PTPRN: variants seen among roughly 807,000 people sequenced by gnomAD.
PTPRN encodes the protein receptor-type tyrosine-protein phosphatase-like N.
In PTPRN, 70 loss-of-function variants were observed where a neutral mutation model predicts 108.5. The ratio of observed to expected loss-of-function variants is 0.65; its 90% CI spans 0.53 to 0.79. The LOEUF is 0.79. Ranked by LOEUF, PTPRN falls within the 30% of genes least tolerant of loss-of-function variation. PTPRN has a pLI of 0.00. For synonymous variants in PTPRN, 496 were observed against 524.6 expected, an observed-to-expected ratio of 0.95 and a Z score of 0.75; for missense variants, 1,136 against 1,295.5, an observed-to-expected ratio of 0.88 and a Z score of 1.89.
Position 219,301,637 on chromosome 2 carries a change from T to C in PTPRN, c.1077A>G (p.Thr359=). 3 of 1,613,276 alleles carry C rather than the reference T, an allele frequency of 1.9e-6. No homozygotes were observed. The highest frequency in any genetic ancestry group is 1.6e-4 in the Middle Eastern group (1 of 6,062). The stretch of plus-strand genomic sequence containing the variant: ...GCAGTAGCTGCAGCAGGGTCAGGAG[T>C]GTGGAGAGCTGCTCAGGGGTCAGCT... ...LRQLTPEQLS[T]LLTLLQLLPK... is the part of the protein sequence containing the mutation. Residue 359 remains threonine, a synonymous_variant, in exon 7 of 23, where the codon ACA becomes ACG. Transcript: ENST00000295718.
Position 219,302,592 on chromosome 2 carries a change from G to A in PTPRN, c.623C>T (p.Pro208Leu), listed in dbSNP as rs756272900. 2 of 1,613,930 alleles carry A rather than the reference G, an allele frequency of 1.2e-6. No homozygotes were observed. The highest frequency in any genetic ancestry group is 1.7e-5 in the Admixed American group (1 of 59,986). The change falls in exon 5 of 23, where the codon CCC becomes CTC. Residue 208 changes from proline to leucine, a missense_variant. Coordinates refer to ENST00000295718, the MANE Select transcript of PTPRN (RefSeq NM_002846.4). ...SLSYEPALLQ[P>L]YLFHQFGSRD... ...AGGACTTACCTGGTGGAACAGGTAG[G>A]GCTGCAGCAAGGCAGGTTCGTAACT... is the stretch of plus-strand genomic sequence containing the variant.
chr2:219,296,176 C>T lies in PTPRN; in HGVS notation c.2508+50G>A, dbSNP rs1485258278. 1.2e-6 allele frequency: 2 copies of T among 1,604,014 alleles called. No homozygotes were observed. The highest frequency in any genetic ancestry group is 2.7e-5 in the African/African-American group (2 of 74,746). ...GAAGAAAACGTTACGAAAAGGCCAT[C>T]ATCTACTCTTCCCACATCCATTGTC... On this transcript the variant is annotated intron_variant, in intron 18 of 22. Coordinates refer to ENST00000295718, the MANE Select transcript of PTPRN (RefSeq NM_002846.4). This position sits in a 1 kb window ranked among gnomAD's most constrained non-coding sequence, Gnocchi z 6.0.
At position 219,296,125 on chromosome 2, in the gene PTPRN, A is replaced by G; in HGVS notation, c.2508+101T>C. 1.3e-6 allele frequency: 2 copies of G among 1,537,504 alleles called. No individual in the cohort carries two copies. The highest frequency in any genetic ancestry group is 2.3e-5 in the East Asian group (1 of 44,030). ...AGCAGGGCCAATAAAAGCCTTTTTA[A>G]AAAGACTGTTGAGTGCTCATTTGGT... On this transcript the variant is annotated intron_variant, in intron 18 of 22. Coordinates refer to ENST00000295718, the MANE Select transcript of PTPRN (RefSeq NM_002846.4). This position sits in a 1 kb window ranked among gnomAD's most constrained non-coding sequence, Gnocchi z 6.0.
At chr2:219,307,210 G>T (rs571408942) in intron 3 of PTPRN, 139 of 457,380 alleles carry the variant, frequency 3.0e-4, no homozygotes, top group African/African-American at 2.4e-3. Flanking sequence ...GTCCTAAGAA[G>T]ATGGAAGCTG....
intron 1 of PTPRN, chr2:219,308,364 G>C (rs2125099484): frequency 5.8e-6 from 1 of 172,816 alleles, no homozygotes; most frequent in East Asian, 1.7e-4. Context: ...GCCGCCAAGG[G>C]CTGGCCTTGG....
intron 9 of PTPRN, 49 bp from the exon 10 acceptor site, chr2:219,299,835 T>C (rs774436328): frequency 1.9e-6 from 3 of 1,563,286 alleles, no homozygotes; most frequent in South Asian, 1.2e-5. Context: ...ACCCTCTCAG[T>C]CACTTTCTTA....
chr2:219,307,584 G>A (rs1305682074), intron 2 of PTPRN, 27 bp from the exon 3 acceptor site: 1 of 1,602,976 alleles, frequency 6.2e-7, no homozygotes, highest in Non-Finnish European at 8.5e-7. Context: ...GGTGTCAGCA[G>A]GGGGCTTGAA....
chr2:219,290,668 C>A lies in PTPRN; in HGVS notation c.2795-57G>T. 6.6e-7 allele frequency: 1 copy of A among 1,512,356 alleles called. No homozygotes were observed. The highest frequency in any genetic ancestry group is 9.0e-7 in the Non-Finnish European group (1 of 1,110,798). 93.7% of individuals were successfully genotyped at this position (1,512,356 alleles called of 1,614,324 possible). A position where few individuals can be genotyped will look rare whatever the true frequency, so the allele number is the denominator to read the frequency against. ...GGGGGTGTCCAGAGGAGGACAGGAC[C>A]CAGAAAACCTGAGGCCTCCTGGAGG... On this transcript the variant is annotated intron_variant, in intron 21 of 22. Transcript: ENST00000295718. This position sits in a 1 kb window ranked among gnomAD's most constrained non-coding sequence, Gnocchi z 4.2.
rs1952303569 is a variant in PTPRN, at chr2:219,300,073, G to A, written c.1348C>T (p.Pro450Ser). The change falls in exon 9 of 23, where the codon CCA (proline) becomes TCA (serine). Residue 450 changes from proline (P) to serine (S), a missense_variant. Transcript: ENST00000295718. ...ACCGTGGGCTGGCTCTGGCCCAGTGGGCTTTTCTTCTCTAGCAGGACAGGT... is the reference window on the plus strand; with the variant it reads ...ACCGTGGGCTGGCTCTGGCCCAGTGAGCTTTTCTTCTCTAGCAGGACAGGT... ...VTPVLLEKKS[P>S]LGQSQPTVAG... 2 of 1,614,080 alleles carry A rather than the reference G, an allele frequency of 1.2e-6. 1 individual carries two copies. The highest frequency in any genetic ancestry group is 2.2e-5 in the South Asian group (2 of 91,086).
chr2:219,294,440 A>G (rs1180158189), intron 19 of PTPRN, among the ~76,000 whole-genome samples: 2 of 151,642 alleles, frequency 1.3e-5, no homozygotes, highest in African/African-American at 4.8e-5. Context: ...GAGAGAGAAG[A>G]GGAAGAAAGA....
At chr2:219,292,511 A>G (rs1559292757) in intron 19 of PTPRN, 1 of 152,234 alleles carries the variant, frequency 6.6e-6, no homozygotes, top group Non-Finnish European at 1.5e-5. Flanking sequence ...GAATGGCTTC[A>G]TAGGAGTCCA....
At chr2:219,306,303 C>T (rs966973405) in intron 3 of PTPRN, among the ~76,000 whole-genome samples, 10 of 152,180 alleles carry the variant, frequency 6.6e-5, no homozygotes, top group African/African-American at 2.2e-4. Flanking sequence ...CCTGCAATCA[C>T]CTTGGCCCCA....
intron 3 of PTPRN, among the ~76,000 whole-genome samples, chr2:219,304,484 T>C (rs1952434268): frequency 1.3e-5 from 2 of 152,196 alleles, no homozygotes; most frequent in Non-Finnish European, 2.9e-5. Flanking sequence ...TGTTTGACTC[T>C]TTCCCCCAAA....
chr2:219,298,176 C>T (rs1952250383), intron 12 of PTPRN, 73 bp from the exon 13 acceptor site: 2 of 1,415,032 alleles, frequency 1.4e-6, no homozygotes, highest in Non-Finnish European at 2.0e-6. Flanking sequence ...CACCCCGGTC[C>T]CATGCCACAC....
At chr2:219,303,860 G>T (rs372739760) in intron 3 of PTPRN, 29 bp from the exon 4 acceptor site, 2 of 1,565,720 alleles carry the variant, frequency 1.3e-6, no homozygotes, top group Non-Finnish European at 1.7e-6. Flanking sequence ...GCGTAAGTTG[G>T]TTCAGGAGTC....
chr2:219,298,882 G>A (rs1952269202), intron 12 of PTPRN, 165 bp downstream of exon 12: 2 of 770,018 alleles, frequency 2.6e-6, no homozygotes, highest in Admixed American at 1.8e-5. Flanking sequence ...ATCTGCTGGT[G>A]AGAAAGAGAA....
At chr2:219,294,617 G>A (rs1165556680) in intron 19 of PTPRN, among the ~76,000 whole-genome samples, 4 of 146,512 alleles carry the variant, frequency 2.7e-5, no homozygotes, top group African/African-American at 1.1e-4. Flanking sequence ...GGGCAGGAGG[G>A]AACTGGAAGG....
chr2:219,295,063 C>G lies in PTPRN; in HGVS notation c.2587G>C (p.Glu863Gln), dbSNP rs757908552. Residue 863 changes from glutamate (E) to glutamine (Q), a missense_variant, in exon 19 of 23, where the codon GAG (glutamate) becomes CAG (glutamine). Transcript: ENST00000295718. ...TGGAACTGCGTGAGCGTGCGCGTCT[C>G]CTGGGTCTGCACGTTCTTCAGGTAG... ...SFYLKNVQTQ[E>Q]TRTLTQFHFL... is the part of the protein sequence containing the mutation. 1 of 1,613,618 alleles carries G rather than the reference C, an allele frequency of 6.2e-7. No homozygotes were observed. Among genetic ancestry groups the G allele is most frequent in the Admixed American group, 1.7e-5 (1 of 59,994 alleles).
intron 18 of PTPRN, 77 bp from the exon 19 acceptor site, chr2:219,295,218 T>A (rs1952160868): frequency 1.3e-6 from 2 of 1,521,402 alleles, no homozygotes; most frequent in East Asian, 4.9e-5. Context: ...CTCGCGACCT[T>A]CTCGGTCTCT....
Sources: allele counts gnomAD v4.1 joint callset (sites outside exome capture counted in the v4.1 genomes callset), GRCh38; gene constraint gnomAD v4.1.1; non-coding constraint Gnocchi (gnomAD v3.1); transcripts MANE v1.5; gene names NCBI Gene and HGNC (gene_info 2026-07-23, HGNC 2026-07-21).